KCNT2: variants seen among roughly 807,000 people sequenced by gnomAD.
KCNT2 encodes the protein potassium channel subfamily T member 2.
In KCNT2, 67 loss-of-function variants were observed where a neutral mutation model predicts 153.8. That is an observed-to-expected ratio of 0.44 (90% CI 0.36 to 0.53). The LOEUF is 0.53. Ranked by LOEUF, KCNT2 falls within the 20% of genes least tolerant of loss-of-function variation. The pLI is 0.00. For missense variants in KCNT2, 975 were observed against 1,354.8 expected (o/e 0.72, Z 4.40); for synonymous variants, 500 against 458.8 (o/e 1.09, Z -1.15).
intron 8 of KCNT2, among the ~76,000 whole-genome samples, chr1:196,462,466 A>G (rs760911860): frequency 6.6e-6 from 1 of 151,728 alleles, no homozygotes; most frequent in Admixed American, 6.6e-5. Context: ...TTCTGTTAAT[A>G]TATTTTAGGC....
At chr1:196,522,793 T>G (rs556455497) in intron 1 of KCNT2, among the ~76,000 whole-genome samples, 1 of 151,730 alleles carries the variant, frequency 6.6e-6, no homozygotes, top group South Asian at 2.1e-4. Context: ...AAAAACGCAC[T>G]AATCAGCATG....
At chr1:196,509,573 C>T (rs984673793) in intron 1 of KCNT2, among the ~76,000 whole-genome samples, 1 of 152,070 alleles carries the variant, frequency 6.6e-6, no homozygotes, top group Admixed American at 6.6e-5. Flanking sequence ...TTAAGCTATA[C>T]TTTTTAAAGC....
chr1:196,598,321 C>A (rs2149023806), intron 1 of KCNT2, among the ~76,000 whole-genome samples: 1 of 152,170 alleles, frequency 6.6e-6, no homozygotes, highest in African/African-American at 2.4e-5. Context: ...ACTACCTTTA[C>A]CCTATTTCAG....
At chr1:196,372,051 G>A (rs1472389935) in intron 14 of KCNT2, among the ~76,000 whole-genome samples, 2 of 152,024 alleles carry the variant, frequency 1.3e-5, no homozygotes, top group African/African-American at 2.4e-5. Context: ...TTTCTGCAAA[G>A]AAGATAAACG....
chr1:196,302,447 A>T (rs1270301187), intron 22 of KCNT2, among the ~76,000 whole-genome samples: 1 of 152,148 alleles, frequency 6.6e-6, no homozygotes, highest in East Asian at 1.9e-4. Flanking sequence ...CCTTACAGTC[A>T]TGGAGGCAAG....
At chr1:196,282,482 A>C in intron 23 of KCNT2, 126 bp from the exon 24 acceptor site, 1 of 543,030 alleles carries the variant, frequency 1.8e-6, no homozygotes, top group Non-Finnish European at 3.3e-6. Context: ...CACATTTTTA[A>C]CCCTCCATAC....
chr1:196,402,101 T>TTTAAAATAAAGAAATG (rs1671462763), intron 12 of KCNT2, among the ~76,000 whole-genome samples: 1 of 151,428 alleles, frequency 6.6e-6, no homozygotes, highest in Non-Finnish European at 1.5e-5. Context: ...TAAAGGACTT[T>TTTAAAATAAAGAAATG]TTAAAATAAA....
intron 1 of KCNT2, among the ~76,000 whole-genome samples, chr1:196,514,202 T>C (rs1681868976): frequency 6.6e-6 from 1 of 152,216 alleles, no homozygotes; most frequent in African/African-American, 2.4e-5. Context: ...GATACACATA[T>C]TAAGTACTCA....
chr1:196,558,546 A>G (rs1273627963), intron 1 of KCNT2, among the ~76,000 whole-genome samples: 1 of 151,458 alleles, frequency 6.6e-6, no homozygotes. Context: ...GTAATTTACA[A>G]GAATGTCTAG....
intron 12 of KCNT2, among the ~76,000 whole-genome samples, chr1:196,409,939 C>T (rs1200803704): frequency 6.6e-6 from 1 of 151,636 alleles, no homozygotes; most frequent in Non-Finnish European, 1.5e-5. Flanking sequence ...TTGAATTTCT[C>T]CACATCACCA....
intron 22 of KCNT2, among the ~76,000 whole-genome samples, chr1:196,298,589 T>C (rs1660891021): frequency 6.6e-6 from 1 of 151,950 alleles, no homozygotes; most frequent in Admixed American, 6.6e-5. Context: ...ATCCAAGCCT[T>C]ATTTTTCAGT....
intron 1 of KCNT2, among the ~76,000 whole-genome samples, chr1:196,596,705 T>G (rs1276530971): frequency 6.6e-6 from 1 of 152,162 alleles, no homozygotes; most frequent in East Asian, 1.9e-4. Context: ...AAAGTCTTTA[T>G]TTTTCAATTA....
chr1:196,544,501 A>T (rs1019384539), intron 1 of KCNT2, among the ~76,000 whole-genome samples: 4 of 151,972 alleles, frequency 2.6e-5, no homozygotes, highest in African/African-American at 9.7e-5. Context: ...AAATATTTTT[A>T]AAATAATAAT....
At chr1:196,494,621 T>C (rs1680114480) in intron 1 of KCNT2, among the ~76,000 whole-genome samples, 2 of 152,006 alleles carry the variant, frequency 1.3e-5, no homozygotes, top group Non-Finnish European at 2.9e-5. Context: ...CCTCCCAAAG[T>C]GCCGGGATTA....
At chr1:196,457,067 C>A (rs1005977396) in intron 8 of KCNT2, among the ~76,000 whole-genome samples, 2 of 151,822 alleles carry the variant, frequency 1.3e-5, no homozygotes, top group Non-Finnish European at 2.9e-5. Flanking sequence ...ATTTTTTACA[C>A]CCAAACTTTG....
intron 1 of KCNT2, among the ~76,000 whole-genome samples, chr1:196,501,526 G>C (rs944052017): frequency 4.6e-5 from 7 of 152,122 alleles, no homozygotes; most frequent in African/African-American, 1.4e-4. Flanking sequence ...TCACTTATAA[G>C]TGGGAGCTAA....
intron 25 of KCNT2, among the ~76,000 whole-genome samples, chr1:196,279,009 C>G (rs942593910): frequency 6.6e-6 from 1 of 152,098 alleles, no homozygotes; most frequent in African/African-American, 2.4e-5. Flanking sequence ...ATCTGAGAAC[C>G]AGGAAGCAGG....
intron 18 of KCNT2, among the ~76,000 whole-genome samples, chr1:196,330,683 T>A (rs1366396405): frequency 6.6e-6 from 1 of 151,976 alleles, no homozygotes; most frequent in Non-Finnish European, 1.5e-5. Context: ...GACAGTAAAA[T>A]TTTGAGAAAG....
chr1:196,585,394 G>A (rs999698580), intron 1 of KCNT2, among the ~76,000 whole-genome samples: 8 of 151,920 alleles, frequency 5.3e-5, no homozygotes, highest in African/African-American at 9.7e-5. Flanking sequence ...GAAAAGAAAC[G>A]TTTCCTCTAA....
Sources: gnomAD v4.1 joint callset for allele counts (sites outside exome capture counted in the v4.1 genomes callset) on GRCh38, gnomAD v4.1.1 for gene constraint, MANE v1.5 for transcripts, NCBI Gene and HGNC (gene_info 2026-07-23, HGNC 2026-07-21) for gene names.